The following PHKB variants were observed in gnomAD, a reference collection of about 807,000 sequenced individuals.
PHKB encodes the protein phosphorylase kinase regulatory subunit beta.
In PHKB, 122 loss-of-function variants were observed where a neutral mutation model predicts 152.1. The ratio of observed to expected loss-of-function variants is 0.80; its 90% CI spans 0.69 to 0.93. PHKB has a LOEUF of 0.93. PHKB is among the 40% of genes least tolerant of loss of function. PHKB has a pLI of 0.00. For synonymous variants in PHKB, 436 were observed against 464.9 expected, an observed-to-expected ratio of 0.94 and a Z score of 0.80; for missense variants, 1,304 against 1,328.4, an observed-to-expected ratio of 0.98 and a Z score of 0.29.
At chr16:47,551,660 C>T (rs912368419) in intron 7 of PHKB, among the ~76,000 whole-genome samples, 3 of 152,046 alleles carry the variant, frequency 2.0e-5, no homozygotes, top group African/African-American at 2.4e-5. Flanking sequence ...AGAATAAGTG[C>T]GATGTGGTGC....
intron 6 of PHKB, among the ~76,000 whole-genome samples, chr16:47,544,685 G>C (rs532099668): frequency 2.0e-5 from 3 of 152,230 alleles, no homozygotes; most frequent in Non-Finnish European, 2.9e-5. Context: ...ATTGACCGTG[G>C]GGTGTTAAAG....
chr16:47,481,280 T>C (rs778803233), intron 1 of PHKB, among the ~76,000 whole-genome samples: 3 of 152,210 alleles, frequency 2.0e-5, no homozygotes, highest in Non-Finnish European at 4.4e-5. Flanking sequence ...TTAGCATCAC[T>C]CCTGTGTAGC....
intron 7 of PHKB, among the ~76,000 whole-genome samples, chr16:47,553,634 A>T (rs1205204199): frequency 1.3e-5 from 2 of 152,126 alleles, no homozygotes; most frequent in African/African-American, 2.4e-5. Flanking sequence ...TGGAAGTTTC[A>T]GCGTTTTTGC....
chr16:47,544,538 G>A (rs958768732), intron 6 of PHKB, among the ~76,000 whole-genome samples: 23 of 152,224 alleles, frequency 1.5e-4, no homozygotes, highest in Non-Finnish European at 2.5e-4. Context: ...TAAGTGCGAT[G>A]TGTTGCTGAG....
chr16:47,475,763 C>A (rs1405160846), intron 1 of PHKB, among the ~76,000 whole-genome samples: 2 of 152,116 alleles, frequency 1.3e-5, no homozygotes, highest in African/African-American at 4.8e-5. Context: ...TTTGGTATTA[C>A]GGTAAGCATT....
At chr16:47,573,605 A>T (rs1333292830) in intron 7 of PHKB, among the ~76,000 whole-genome samples, 1 of 152,036 alleles carries the variant, frequency 6.6e-6, no homozygotes, top group Non-Finnish European at 1.5e-5. Context: ...AGCATGCAAA[A>T]CTGCCCCTGG....
chr16:47,610,902 C>A lies in PHKB; in HGVS notation c.1440C>A (p.Ser480Arg). 7 of 1,586,948 alleles carry A rather than the reference C, an allele frequency of 4.4e-6. No homozygotes were observed. Among genetic ancestry groups the A allele is most frequent in the Non-Finnish European group, 6.1e-6 (7 of 1,155,184 alleles). ...YVPLKDQRNV[S>R]MRFSNQGPLE... ...CACTAAAGGATCAACGTAACGTGAG[C>A]ATGAGGTTTTCCAATCAGGTAAAGA... The change falls in exon 14 of 31, where the codon AGC (serine) becomes AGA (arginine). Residue 480 changes from serine to arginine, a missense_variant. By Grantham distance (110) the Ser-to-Arg change is moderately radical. Coordinates refer to ENST00000323584, the MANE Select transcript of PHKB (RefSeq NM_000293.3).
At chr16:47,663,992 C>A (rs1167681380) in intron 24 of PHKB, 1 of 528,064 alleles carries the variant, frequency 1.9e-6, no homozygotes, top group Non-Finnish European at 3.4e-6. Flanking sequence ...AGGTTTCTTT[C>A]CTGCTGTACA....
At chr16:47,651,949 ATTTTCAT>A (rs1973244288) in intron 20 of PHKB, among the ~76,000 whole-genome samples, 1 of 151,586 alleles carries the variant, frequency 6.6e-6, no homozygotes, top group African/African-American at 2.4e-5. Flanking sequence ...CATGTTTTAA[ATTTTCAT>A]TTTTCATAGT....
chr16:47,592,923 A>G (rs921199057), intron 10 of PHKB, among the ~76,000 whole-genome samples: 2 of 152,160 alleles, frequency 1.3e-5, no homozygotes, highest in Non-Finnish European at 2.9e-5. Flanking sequence ...TCTTTGACAT[A>G]TCGCCTAACT....
chr16:47,629,959 A>G (rs1972793789), intron 14 of PHKB, among the ~76,000 whole-genome samples: 2 of 147,334 alleles, frequency 1.4e-5, no homozygotes, highest in Non-Finnish European at 1.5e-5. Flanking sequence ...TCACTCATAG[A>G]TGGGAACTGA....
rs544580152 is a variant in PHKB, at chr16:47,588,992, G to A, written c.958G>A (p.Val320Met). 6.2e-7 allele frequency: 1 copy of A among 1,613,886 alleles called. No homozygotes were observed. Among genetic ancestry groups the A allele is most frequent in the East Asian group, 2.2e-5 (1 of 44,884 alleles). ...EVLFSQTLDK[V>M]VRKLKGKYGF... ...TCTTTTTAGCCAGACACTTGATAAA[G>A]TGGTTAGAAAATTAAAAGGAAAATA... Residue 320 changes from valine to methionine, a missense_variant, in exon 10 of 31, where the codon GTG becomes ATG. Val to Met is a conservative substitution (Grantham distance 21, BLOSUM62 1). Transcript: ENST00000323584.
intron 6 of PHKB, among the ~76,000 whole-genome samples, chr16:47,532,591 C>G (rs1026069568): frequency 3.3e-5 from 5 of 152,196 alleles, no homozygotes; most frequent in African/African-American, 1.2e-4. Flanking sequence ...GTGGGCAGCT[C>G]TAGGTGTTGG....
At chr16:47,495,628 TG>T (rs1452324428) in intron 1 of PHKB, among the ~76,000 whole-genome samples, 2 of 152,204 alleles carry the variant, frequency 1.3e-5, no homozygotes, top group Non-Finnish European at 2.9e-5. Flanking sequence ...TGAGCTTCAC[TG>T]GGAGTGTATA....
At chr16:47,656,284 G>A (rs1597155085) in intron 20 of PHKB, among the ~76,000 whole-genome samples, 3 of 152,114 alleles carry the variant, frequency 2.0e-5, no homozygotes, top group South Asian at 4.1e-4. Flanking sequence ...CCGCAAGTGC[G>A]GGGATTACAG....
Position 47,560,286 on chromosome 16 carries a change from C to T in PHKB, c.710+12738C>T, listed in dbSNP as rs556091652. ...AAGAAGTGTAAGACTTGTATAGGTTCTTGTACTTGTATATTGAAAACTGCA... is the reference window on the plus strand; with the variant it reads ...AAGAAGTGTAAGACTTGTATAGGTTTTTGTACTTGTATATTGAAAACTGCA... On this transcript the variant is annotated intron_variant, in intron 7 of 30. Transcript: ENST00000323584. 3.3e-5 allele frequency among the ~76,000 whole-genome samples: 5 copies of T among 152,206 alleles called. No homozygotes were observed. In the East Asian group the frequency reaches 9.6e-4, roughly 29 times the overall value.
chr16:47,642,355 T>A (rs1973040355), intron 16 of PHKB, among the ~76,000 whole-genome samples: 1 of 152,194 alleles, frequency 6.6e-6, no homozygotes, highest in Non-Finnish European at 1.5e-5. Flanking sequence ...AAGGTGACAT[T>A]TGAGGCCTTT....
intron 7 of PHKB, among the ~76,000 whole-genome samples, chr16:47,579,061 A>C (rs1971797831): frequency 6.6e-6 from 1 of 151,976 alleles, no homozygotes; most frequent in Non-Finnish European, 1.5e-5. Flanking sequence ...TAGAGTCCTG[A>C]AGTTCATAGC....
intron 1 of PHKB, among the ~76,000 whole-genome samples, chr16:47,479,204 T>C (rs1969922344): frequency 6.6e-6 from 1 of 152,184 alleles, no homozygotes. Context: ...GGAGAACTGA[T>C]TGTGATTGTG....
Sources: allele counts gnomAD v4.1 joint callset (sites outside exome capture counted in the v4.1 genomes callset), GRCh38; gene constraint gnomAD v4.1.1; transcripts MANE v1.5; gene names NCBI Gene and HGNC (gene_info 2026-07-23, HGNC 2026-07-21).